The following TMTC2 variants were observed in gnomAD, a reference collection of about 807,000 sequenced individuals.
TMTC2 encodes the protein transmembrane O-mannosyltransferase targeting cadherins 2.
A neutral mutation model predicts 82.4 loss-of-function variants in TMTC2; 43 were observed. The ratio of observed to expected loss-of-function variants is 0.52; its 90% CI spans 0.41 to 0.67. The LOEUF (loss-of-function observed/expected upper bound fraction) is 0.67, where lower values mean the gene tolerates loss of function less well. Ranked by LOEUF, TMTC2 falls within the 30% of genes least tolerant of loss-of-function variation. The probability of loss-of-function intolerance (pLI) is 0.00; values close to 1 mark genes in which losing one functional copy is unlikely to be tolerated. For missense variants in TMTC2, 919 were observed against 1,012.4 expected, an observed-to-expected ratio of 0.91 and a Z score of 1.25; for synonymous variants, 408 against 381.9, an observed-to-expected ratio of 1.07 and a Z score of -0.80.
intron 1 of TMTC2, chr12:82,761,077 T>G (rs2136979739): frequency 6.5e-6 from 1 of 154,424 alleles, no homozygotes; most frequent in Admixed American, 6.5e-5. Flanking sequence ...AACTGGTCCC[T>G]TGTACCAAAA....
chr12:82,907,327 G>C (rs1424896215), intron 3 of TMTC2, among the ~76,000 whole-genome samples: 1 of 151,928 alleles, frequency 6.6e-6, no homozygotes, highest in Non-Finnish European at 1.5e-5. Flanking sequence ...GCTGGGCGTG[G>C]TGGTGCGCGC....
At chr12:83,033,119 A>G (rs1443325137) in intron 9 of TMTC2, among the ~76,000 whole-genome samples, 1 of 152,210 alleles carries the variant, frequency 6.6e-6, no homozygotes, top group Non-Finnish European at 1.5e-5. Flanking sequence ...GGTAATAGAA[A>G]GAACTCAAAA....
intron 1 of TMTC2, among the ~76,000 whole-genome samples, chr12:82,718,775 T>C (rs1192470858): frequency 6.6e-6 from 1 of 152,012 alleles, no homozygotes; most frequent in African/African-American, 2.4e-5. Context: ...GAAATTTAAC[T>C]CCTCATAGGA....
intron 1 of TMTC2, among the ~76,000 whole-genome samples, chr12:82,814,001 C>T (rs1868550896): frequency 6.6e-6 from 1 of 152,062 alleles, no homozygotes; most frequent in African/African-American, 2.4e-5. Context: ...GCATACTTAA[C>T]AGGTGCTGGC....
At chr12:82,907,841 C>T (rs1404204100) in intron 3 of TMTC2, among the ~76,000 whole-genome samples, 4 of 152,084 alleles carry the variant, frequency 2.6e-5, no homozygotes, top group East Asian at 1.9e-4. Flanking sequence ...AGGCCAGGCG[C>T]GGTGGCTCAT....
intron 11 of TMTC2, among the ~76,000 whole-genome samples, chr12:83,075,467 C>A (rs1346679235): frequency 4.6e-5 from 7 of 152,092 alleles, no homozygotes; most frequent in Non-Finnish European, 1.5e-5. Flanking sequence ...ACACCCCTCC[C>A]CCCAAAATAG....
At chr12:83,041,585 G>A (rs1881898800) in intron 9 of TMTC2, among the ~76,000 whole-genome samples, 1 of 152,050 alleles carries the variant, frequency 6.6e-6, no homozygotes, top group African/African-American at 2.4e-5. Flanking sequence ...CAAATTAAGG[G>A]AAGAAGAGAC....
chr12:82,997,346 G>GTATATATATATA (rs1221254720), intron 8 of TMTC2, among the ~76,000 whole-genome samples: 22 of 29,200 alleles, frequency 7.5e-4, no homozygotes, highest in African/African-American at 1.8e-3. Context: ...GTGTGTGTGT[G>GTATATATATATA]TGTATATATA....
chr12:82,810,751 C>T (rs76684977), intron 1 of TMTC2, among the ~76,000 whole-genome samples: 1 of 152,050 alleles, frequency 6.6e-6, no homozygotes, highest in Non-Finnish European at 1.5e-5. Context: ...GGGGCTGTTT[C>T]CCTCATGCTG....
chr12:82,768,898 G>T (rs769259257), intron 1 of TMTC2, among the ~76,000 whole-genome samples: 1 of 152,136 alleles, frequency 6.6e-6, no homozygotes, highest in East Asian at 1.9e-4. Flanking sequence ...AATTGAGCAT[G>T]CTAATGCTTT....
At chr12:82,902,359 T>G (rs1874066309) in intron 3 of TMTC2, among the ~76,000 whole-genome samples, 1 of 152,196 alleles carries the variant, frequency 6.6e-6, no homozygotes, top group South Asian at 2.1e-4. Flanking sequence ...TCTAACAGTT[T>G]CTGTCTCCAG....
chr12:83,006,703 C>T, intron 8 of TMTC2, among the ~76,000 whole-genome samples: 1 of 152,148 alleles, frequency 6.6e-6, no homozygotes, highest in East Asian at 1.9e-4. Flanking sequence ...GGAACCAACC[C>T]AAATGTCCAT....
At chr12:82,823,002 G>T (rs1482551195) in intron 1 of TMTC2, among the ~76,000 whole-genome samples, 1 of 152,132 alleles carries the variant, frequency 6.6e-6, no homozygotes, top group African/African-American at 2.4e-5. Flanking sequence ...ATTTAAAAAA[G>T]CTTCTTTGAA....
Position 82,857,025 on chromosome 12 carries a change from T to C in TMTC2, c.99T>C (p.Thr33=). Reference sequence around the variant, plus strand: ...TGTTTTTTAGCCGTGCTATCAAGACTAATCAGGACCTTCTCCCAGAAACTC... The same window carrying C: ...TGTTTTTTAGCCGTGCTATCAAGACCAATCAGGACCTTCTCCCAGAAACTC... ...FCYDDSRAIK[T]NQDLLPETPW... Residue 33 remains threonine (T), a synonymous_variant, in exon 2 of 12, where the codon ACT becomes ACC. Transcript: ENST00000321196. The C allele has an allele frequency of 6.2e-7, 1 of 1,612,474 alleles. No individual in the cohort carries two copies. Among genetic ancestry groups the C allele is most frequent in the Non-Finnish European group, 8.5e-7 (1 of 1,179,722 alleles).
chr12:82,730,003 C>G (rs965570844), intron 1 of TMTC2, among the ~76,000 whole-genome samples: 3 of 152,096 alleles, frequency 2.0e-5, no homozygotes, highest in African/African-American at 7.2e-5. Context: ...AGCGAGACCA[C>G]GAACCCACCA....
At chr12:82,822,497 T>C (rs1183580763) in intron 1 of TMTC2, among the ~76,000 whole-genome samples, 1 of 152,190 alleles carries the variant, frequency 6.6e-6, no homozygotes, top group East Asian at 1.9e-4. Flanking sequence ...AATACTCTTA[T>C]ATAGTCTATA....
At chr12:82,690,381 A>T (rs1872525455) in intron 1 of TMTC2, 1 of 985,436 alleles carries the variant, frequency 1.0e-6, no homozygotes, top group Non-Finnish European at 1.2e-6. Flanking sequence ...CTCAAGGGAG[A>T]TGGCTGTTAT....
At chr12:82,780,435 G>GT (rs34140043) in intron 1 of TMTC2, among the ~76,000 whole-genome samples, 2,512 of 145,678 alleles carry the variant, frequency 0.017, 57 homozygotes, top group African/African-American at 0.053. Flanking sequence ...ACAGTAAACA[G>GT]TTTTTTTTTT....
intron 1 of TMTC2, among the ~76,000 whole-genome samples, chr12:82,837,539 A>G (rs1461197903): frequency 6.6e-6 from 1 of 152,238 alleles, no homozygotes; most frequent in Non-Finnish European, 1.5e-5. Context: ...TTCTGAATGT[A>G]GAAAAATTAC....
Sources: gnomAD v4.1 joint callset for allele counts (sites outside exome capture counted in the v4.1 genomes callset) on GRCh38, gnomAD v4.1.1 for gene constraint, MANE v1.5 for transcripts, NCBI Gene and HGNC (gene_info 2026-07-23, HGNC 2026-07-21) for gene names.